AFAP1: variants seen among roughly 807,000 people sequenced by gnomAD.
AFAP1 encodes actin filament associated protein 1.
AFAP1 carries 75 observed loss-of-function variants against 93.9 expected under a neutral mutation model. The observed-to-expected ratio is 0.80, with a 90% CI of 0.66 to 0.97. The LOEUF is 0.97. Ranked by LOEUF, AFAP1 falls within the 50% of genes least tolerant of loss-of-function variation. AFAP1 has a pLI of 0.00. For synonymous variants in AFAP1, 517 were observed against 430.7 expected, an observed-to-expected ratio of 1.20 and a Z score of -2.48; for missense variants, 1,201 against 1,050.8, an observed-to-expected ratio of 1.14 and a Z score of -1.98.
chr4:7,933,781 A>G (rs916697133), intron 1 of AFAP1, among the ~76,000 whole-genome samples: 1 of 152,184 alleles, frequency 6.6e-6, no homozygotes, highest in African/African-American at 2.4e-5. Context: ...TGCAACCACA[A>G]GGAACTATAT....
intron 1 of AFAP1, among the ~76,000 whole-genome samples, chr4:7,923,798 C>T (rs1208543579): frequency 6.6e-6 from 1 of 152,170 alleles, no homozygotes; most frequent in East Asian, 1.9e-4. Context: ...CTGATCCTGT[C>T]AGACCAGGGC....
chr4:7,922,217 T>C (rs1478534111), intron 1 of AFAP1, among the ~76,000 whole-genome samples: 3 of 152,264 alleles, frequency 2.0e-5, no homozygotes, highest in African/African-American at 7.2e-5. Flanking sequence ...ATCGCTCATA[T>C]TACATATTCA....
chr4:7,800,701 C>T (rs531877219), intron 9 of AFAP1, 48 bp from the exon 10 acceptor site: 36 of 1,601,194 alleles, frequency 2.2e-5, no homozygotes, highest in South Asian at 7.8e-5. Context: ...CAAGACCAGG[C>T]GAGGTGAAGA....
chr4:7,841,921 G>A (rs532446614), intron 5 of AFAP1, among the ~76,000 whole-genome samples: 3 of 152,004 alleles, frequency 2.0e-5, no homozygotes, highest in Admixed American at 2.0e-4. Context: ...AGGGGAGAGG[G>A]ACCAGGGACT....
intron 3 of AFAP1, among the ~76,000 whole-genome samples, chr4:7,866,752 T>C (rs1219567908): frequency 6.6e-6 from 1 of 151,838 alleles, no homozygotes; most frequent in Non-Finnish European, 1.5e-5. Context: ...AAACAGCAAA[T>C]GAGGCCAGGT....
intron 1 of AFAP1, among the ~76,000 whole-genome samples, chr4:7,920,771 T>C (rs184546779): frequency 3.3e-5 from 5 of 152,196 alleles, no homozygotes; most frequent in African/African-American, 9.6e-5. Flanking sequence ...AATTTCGATA[T>C]GTTTGAGACT....
chr4:7,877,503 C>A (rs1717585498), intron 1 of AFAP1, among the ~76,000 whole-genome samples: 1 of 152,200 alleles, frequency 6.6e-6, no homozygotes, highest in Admixed American at 6.5e-5. Flanking sequence ...GTGCTCTTCA[C>A]AACATTGCTA....
In AFAP1 at chr4:7,772,906, C is replaced by T. The variant is rs1292168593; in HGVS notation, c.2167G>A (p.Val723Ile). 1 of 1,614,158 alleles carries T rather than the reference C, an allele frequency of 6.2e-7. No homozygotes were observed. The highest frequency in any genetic ancestry group is 1.7e-5 in the Admixed American group (1 of 60,032). Residue 723 changes from valine (V) to isoleucine (I), a missense_variant, in exon 16 of 18, where the codon GTC becomes ATC. Physicochemically the swap from Val to Ile is conservative, Grantham distance 29. Transcript: ENST00000420658. ...AGCGCTTTCTTCAGGCTCTCCTTGA[C>T]CTCCGTCAGCTCCAGCTCCAGGCTG... ...RVSLELELTEVKESLKKALAG... is the reference protein window; with the variant it reads ...RVSLELELTEIKESLKKALAG...
chr4:7,853,717 A>C (rs993279976), intron 4 of AFAP1, among the ~76,000 whole-genome samples: 1 of 152,184 alleles, frequency 6.6e-6, no homozygotes, highest in African/African-American at 2.4e-5. Context: ...ACCATCTCAA[A>C]GTTCGTATCT....
intron 1 of AFAP1, among the ~76,000 whole-genome samples, chr4:7,925,713 C>T (rs1170059951): frequency 7.2e-5 from 11 of 152,102 alleles, no homozygotes; most frequent in Non-Finnish European, 1.2e-4. Flanking sequence ...GGCATGGTGG[C>T]GCATGCCTGT....
At chr4:7,910,647 C>G (rs1391352967) in intron 1 of AFAP1, among the ~76,000 whole-genome samples, 1 of 152,204 alleles carries the variant, frequency 6.6e-6, no homozygotes, top group Non-Finnish European at 1.5e-5. Context: ...CCCTCTCTCC[C>G]CCGTTCACCC....
chr4:7,865,468 C>T (rs1455415873), intron 3 of AFAP1, among the ~76,000 whole-genome samples: 1 of 152,100 alleles, frequency 6.6e-6, no homozygotes, highest in Non-Finnish European at 1.5e-5. Flanking sequence ...TTTGATTGAC[C>T]AGTTCTGACT....
chr4:7,843,406 C>G, intron 4 of AFAP1, 56 bp from the exon 5 acceptor site: 1 of 1,496,604 alleles, frequency 6.7e-7, no homozygotes, highest in Non-Finnish European at 9.0e-7. Flanking sequence ...GAAGTTTACC[C>G]GTGGGCTCAA....
At position 7,839,912 on chromosome 4, in the gene AFAP1, G is replaced by A. The variant is rs958565126; in HGVS notation, c.547-1209C>T. Among the ~76,000 whole-genome samples, 6 of 152,176 alleles carry A rather than the reference G, an allele frequency of 3.9e-5. No individual in the cohort carries two copies. The East Asian group carries it at 1.2e-3, about 29-fold the overall frequency. On this transcript the variant is annotated intron_variant, in intron 5 of 17. Transcript: ENST00000420658. ...GAGTCTGTTTCCTCGTTTGCAAAATGTGTTTTGCAGTTATTGTTATTATTA... is the reference window on the plus strand; with the variant it reads ...GAGTCTGTTTCCTCGTTTGCAAAATATGTTTTGCAGTTATTGTTATTATTA...
chr4:7,910,038 G>A lies in AFAP1; in HGVS notation c.-3+29618C>T, dbSNP rs540295794. 1.7e-4 allele frequency among the ~76,000 whole-genome samples: 26 copies of A among 152,228 alleles called. No individual in the cohort carries two copies. In the South Asian group the frequency reaches 5.2e-3, roughly 30 times the overall value. The stretch of plus-strand genomic sequence containing the variant: ...CAGTCCAAACCAAATAAATTGCCGG[G>A]TGAAAAAAATACCCTGGTATAGGCT... On this transcript the variant is annotated intron_variant, in intron 1 of 17. Coordinates refer to ENST00000420658, the MANE Select transcript of AFAP1 (RefSeq NM_001134647.2).
intron 7 of AFAP1, among the ~76,000 whole-genome samples, chr4:7,816,482 A>G (rs1484867603): frequency 6.6e-6 from 1 of 152,218 alleles, no homozygotes; most frequent in East Asian, 1.9e-4. Context: ...TAGTCCATTT[A>G]ATTTCTTCCT....
chr4:7,827,788 C>T (rs1721565640), intron 6 of AFAP1, among the ~76,000 whole-genome samples: 1 of 151,784 alleles, frequency 6.6e-6, no homozygotes, highest in South Asian at 2.1e-4. Context: ...AGGAGGAAGG[C>T]GGGAAAGGAC....
At chr4:7,863,048 T>C (rs1287010549) in intron 3 of AFAP1, among the ~76,000 whole-genome samples, 1 of 152,144 alleles carries the variant, frequency 6.6e-6, no homozygotes, top group Non-Finnish European at 1.5e-5. Context: ...TCTCAAACAC[T>C]CTTTTAGCAC....
chr4:7,759,864 T>C lies in AFAP1; in HGVS notation c.*3901A>G, dbSNP rs1368225832. 6.6e-6 allele frequency: 1 copy of C among 152,282 alleles called. No homozygotes were observed. Among genetic ancestry groups the C allele is most frequent in the Non-Finnish European group, 1.5e-5 (1 of 68,062 alleles). The allele number at this position is 152,282 out of a possible 1,614,324, so 9.4% of individuals were successfully genotyped here. On this transcript the variant is annotated 3_prime_UTR_variant, in exon 18 of 18. Transcript: ENST00000420658. ...CCTGTGGCACAAGGTGCCTTTTCTCTGGATGGCAGTCGCCGGCCACACTGC... is the reference window on the plus strand; with the variant it reads ...CCTGTGGCACAAGGTGCCTTTTCTCCGGATGGCAGTCGCCGGCCACACTGC...
Sources: gnomAD v4.1 joint callset for allele counts (sites outside exome capture counted in the v4.1 genomes callset) on GRCh38, gnomAD v4.1.1 for gene constraint, MANE v1.5 for transcripts, NCBI Gene and HGNC (gene_info 2026-07-23, HGNC 2026-07-21) for gene names.